Variants in PCDH7 observed in about 807,000 individuals in gnomAD.
PCDH7 encodes protocadherin-7.
In PCDH7, 17 loss-of-function variants were observed where a neutral mutation model predicts 58.9. That is an observed-to-expected ratio of 0.29 (90% CI 0.20 to 0.43). The LOEUF (loss-of-function observed/expected upper bound fraction) is 0.43. PCDH7 is among the 20% of genes least tolerant of loss of function. The pLI is 1.00. For missense variants in PCDH7, 1,274 were observed against 1,441.0 expected (o/e 0.88, Z 1.88); for synonymous variants, 664 against 616.4 (o/e 1.08, Z -1.14).
intron 3 of PCDH7, among the ~76,000 whole-genome samples, chr4:31,105,096 T>A (rs1038335742): frequency 2.0e-5 from 3 of 152,182 alleles, no homozygotes; most frequent in Non-Finnish European, 4.4e-5. Context: ...GAATGGGGAA[T>A]AAAGTTCCTC....
chr4:31,023,581 TGC>T (rs1754196360), intron 3 of PCDH7, among the ~76,000 whole-genome samples: 1 of 152,202 alleles, frequency 6.6e-6, no homozygotes, highest in Non-Finnish European at 1.5e-5. Context: ...AATATGTGTG[TGC>T]AGGTAAGAAA....
At chr4:30,826,402 A>C (rs1729092813) in intron 1 of PCDH7, among the ~76,000 whole-genome samples, 1 of 152,102 alleles carries the variant, frequency 6.6e-6, no homozygotes, top group East Asian at 1.9e-4. Flanking sequence ...CTTTTAAAAA[A>C]TGCATCACAG....
chr4:30,862,074 A>T (rs1734277305), intron 1 of PCDH7, among the ~76,000 whole-genome samples: 2 of 152,168 alleles, frequency 1.3e-5, no homozygotes, highest in Non-Finnish European at 2.9e-5. Flanking sequence ...GGTTGAAGAA[A>T]CTGAGGTCAA....
At chr4:30,839,024 T>C (rs1453588795) in intron 1 of PCDH7, among the ~76,000 whole-genome samples, 1 of 151,990 alleles carries the variant, frequency 6.6e-6, no homozygotes. Flanking sequence ...CAAGTAACAA[T>C]AGAGCACTAG....
intron 1 of PCDH7, among the ~76,000 whole-genome samples, chr4:30,772,038 T>A (rs1034953398): frequency 2.6e-4 from 39 of 152,102 alleles, no homozygotes; most frequent in African/African-American, 9.2e-4. Flanking sequence ...GCCGGGTAAT[T>A]TTTGTATTTT....
chr4:30,833,440 C>A (rs554752625), intron 1 of PCDH7, among the ~76,000 whole-genome samples: 2 of 152,156 alleles, frequency 1.3e-5, no homozygotes, highest in South Asian at 4.1e-4. Context: ...CTGACTCTTC[C>A]GCCTTCTGCT....
At chr4:30,905,529 C>T (rs576398493) in intron 1 of PCDH7, among the ~76,000 whole-genome samples, 3 of 151,904 alleles carry the variant, frequency 2.0e-5, no homozygotes, top group Admixed American at 6.6e-5. Flanking sequence ...TGCTTTTGTA[C>T]GATTAATCCA....
chr4:31,038,955 G>T (rs757560947), intron 3 of PCDH7, among the ~76,000 whole-genome samples: 2 of 152,148 alleles, frequency 1.3e-5, no homozygotes, highest in Non-Finnish European at 2.9e-5. Context: ...AATGACAGCA[G>T]TAACTTACCA....
chr4:30,732,095 G>C (rs1463808098), exon 2 of PCDH7: 1 of 152,122 alleles, frequency 6.6e-6, no homozygotes, highest in African/African-American at 2.4e-5. Context: ...TAACCCCTGT[G>C]AATCTCTAAT....
intron 2 of PCDH7, among the ~76,000 whole-genome samples, chr4:30,949,568 G>C (rs181174160): frequency 6.6e-6 from 1 of 152,054 alleles, no homozygotes; most frequent in Non-Finnish European, 1.5e-5. Flanking sequence ...TTATTAGTTT[G>C]ACCTCCTCCA....
intron 1 of PCDH7, among the ~76,000 whole-genome samples, chr4:30,761,183 G>A (rs150645141): frequency 2.0e-5 from 3 of 152,292 alleles, no homozygotes; most frequent in African/African-American, 7.2e-5. Flanking sequence ...AATGTATGCA[G>A]CCTTAGGGAA....
chr4:30,858,001 C>A (rs1457757424), intron 1 of PCDH7, among the ~76,000 whole-genome samples: 4 of 152,074 alleles, frequency 2.6e-5, no homozygotes, highest in African/African-American at 9.7e-5. Flanking sequence ...TAAAAATAAG[C>A]AGAAACTATA....
intron 1 of PCDH7, among the ~76,000 whole-genome samples, chr4:30,746,017 C>T (rs925203515): frequency 3.6e-4 from 54 of 151,898 alleles, no homozygotes; most frequent in African/African-American, 1.2e-3. Flanking sequence ...TTTTTGTAGA[C>T]GGGGTTTCAG....
intron 3 of PCDH7, among the ~76,000 whole-genome samples, chr4:31,077,758 C>G (rs1253745379): frequency 6.6e-6 from 1 of 152,096 alleles, no homozygotes; most frequent in Non-Finnish European, 1.5e-5. Context: ...GACAAGATGA[C>G]TTAAAAGAAG....
At chr4:30,819,887 A>G (rs1279141965) in intron 1 of PCDH7, among the ~76,000 whole-genome samples, 2 of 152,124 alleles carry the variant, frequency 1.3e-5, no homozygotes, top group Non-Finnish European at 2.9e-5. Context: ...CTTGCCATAA[A>G]CAAGTTCTGA....
intron 1 of PCDH7, among the ~76,000 whole-genome samples, chr4:30,919,531 T>G (rs1460343551): frequency 6.6e-6 from 1 of 152,150 alleles, no homozygotes. Flanking sequence ...CTACTCACTG[T>G]TTAGGGATAC....
chr4:30,822,717 G>T (rs1218002239), intron 1 of PCDH7, among the ~76,000 whole-genome samples: 2 of 151,782 alleles, frequency 1.3e-5, no homozygotes, highest in Non-Finnish European at 2.9e-5. Context: ...ATTACAGAAT[G>T]CAACTGTGGG....
intron 1 of PCDH7, among the ~76,000 whole-genome samples, chr4:30,820,949 TC>T (rs766398004): frequency 3.3e-5 from 5 of 152,162 alleles, no homozygotes; most frequent in Non-Finnish European, 7.3e-5. Flanking sequence ...GAATTATTTT[TC>T]TGTGCCTCAT....
At chr4:30,752,750 C>T (rs1577662117) in intron 1 of PCDH7, among the ~76,000 whole-genome samples, 1 of 120,220 alleles carries the variant, frequency 8.3e-6, no homozygotes, top group African/African-American at 3.3e-5. Flanking sequence ...GATACTCACA[C>T]ATCCAGTCCT....
Sources: gnomAD v4.1 joint callset for allele counts (sites outside exome capture counted in the v4.1 genomes callset) on GRCh38, gnomAD v4.1.1 for gene constraint, MANE v1.5 for transcripts, NCBI Gene and HGNC (gene_info 2026-07-23, HGNC 2026-07-21) for gene names.